The following HERC2 variants were observed in gnomAD, a reference collection of about 807,000 sequenced individuals.
HERC2 encodes the protein HECT and RLD domain containing E3 ubiquitin protein ligase 2, also known as E3 ubiquitin-protein ligase HERC2.
Under a neutral mutation model 537.7 loss-of-function variants are expected in HERC2, and 102 were observed. The observed-to-expected ratio is 0.19, with a 90% CI of 0.16 to 0.22. HERC2 has a LOEUF of 0.22. Ranked by LOEUF, HERC2 falls within the 10% of genes least tolerant of loss-of-function variation. The pLI is 1.00. For synonymous variants in HERC2, 2,224 were observed against 2,466.2 expected, an observed-to-expected ratio of 0.90 and a Z score of 2.91; for missense variants, 4,236 against 6,198.2, an observed-to-expected ratio of 0.68 and a Z score of 10.63.
At chr15:28,145,443 A>T (rs9989342) in intron 71 of HERC2, among the ~76,000 whole-genome samples, 1 of 152,184 alleles carries the variant, frequency 6.6e-6, no homozygotes, top group African/African-American at 2.4e-5. Context: ...CACTGGATGC[A>T]GAAAAACTCA....
intron 2 of HERC2, among the ~76,000 whole-genome samples, chr15:28,311,599 T>C (rs1447493767): frequency 3.0e-4 from 45 of 152,050 alleles, no homozygotes; most frequent in African/African-American, 1.0e-3. Flanking sequence ...CTACTGAACA[T>C]AAACATGGAG....
intron 4 of HERC2, among the ~76,000 whole-genome samples, chr15:28,286,335 AATAT>A (rs943328953): frequency 6.6e-6 from 1 of 152,134 alleles, no homozygotes; most frequent in Non-Finnish European, 1.5e-5. Flanking sequence ...AGTACAGAAC[AATAT>A]ATATACAGAG....
chr15:28,179,112 A>T (rs771053370), intron 58 of HERC2, 30 bp downstream of exon 58: 1 of 1,600,730 alleles, frequency 6.2e-7, no homozygotes, highest in South Asian at 1.1e-5. Context: ...AGCATAATTT[A>T]AAAATTTTTT....
At chr15:28,205,373 G>A (rs28499292) in intron 45 of HERC2, among the ~76,000 whole-genome samples, 12,230 of 114,034 alleles carry the variant, frequency 0.11, 257 homozygotes, top group African/African-American at 0.33. Flanking sequence ...CCTTCACCTT[G>A]GAGGTTCCCA....
In HERC2 at chr15:28,262,910, G is replaced by A; in HGVS notation, c.2122+8C>T. On this transcript the variant is annotated splice_region_variant and intron_variant, in intron 15 of 92. Coordinates refer to ENST00000261609, the MANE Select transcript of HERC2 (RefSeq NM_004667.6). ...TGAAGGGTTTTAAAAGTTTACATTT[G>A]CACTCACCTTGCAAGCCTTCTAAGA... 1 of 1,612,322 alleles carries A rather than the reference G, an allele frequency of 6.2e-7. No individual in the cohort carries two copies. Among genetic ancestry groups the A allele is most frequent in the Non-Finnish European group, 8.5e-7 (1 of 1,178,748 alleles).
At chr15:28,293,055 G>A (rs367671774) in intron 3 of HERC2, 33 bp from the exon 4 acceptor site, 41 of 1,591,398 alleles carry the variant, frequency 2.6e-5, no homozygotes, top group African/African-American at 1.5e-4. Context: ...ATCTGTCACC[G>A]CTTTTCAGAA....
rs367666269 is a variant in HERC2 at position 28,168,537 on chromosome 15, C to A, written c.10283G>T (p.Cys3428Phe). The A allele has an allele frequency of 2.5e-6, 4 of 1,614,092 alleles. No individual in the cohort carries two copies. Among genetic ancestry groups the A allele is most frequent in the African/African-American group, 1.3e-5 (1 of 74,940 alleles). ...MPAAMIAPVECPSFSSAAPSD... is the reference protein window; with the variant it reads ...MPAAMIAPVEFPSFSSAAPSD... ...AGGGGCCGCCGAGGAGAACGAGGGG[C>A]ACTCCACCGGGGCGATCATGGCGGC... The change falls in exon 67 of 93, where the codon TGC (cysteine) becomes TTC (phenylalanine). Residue 3428 changes from cysteine (C) to phenylalanine (F), a missense_variant. By Grantham distance (205) the Cys-to-Phe change is radical. This residue lies in a region of HERC2 where 356 missense variants were observed against 450.9 expected (regional missense o/e 0.79). Coordinates refer to ENST00000261609, the MANE Select transcript of HERC2 (RefSeq NM_004667.6).
At chr15:28,119,522 C>T (rs752865499) in intron 86 of HERC2, among the ~76,000 whole-genome samples, 2 of 148,612 alleles carry the variant, frequency 1.3e-5, no homozygotes, top group African/African-American at 2.5e-5. Flanking sequence ...GGTATGATCT[C>T]GGCTCACTAC....
Position 28,176,806 on chromosome 15 carries a change from G to C in HERC2, c.9433-38C>G, listed in dbSNP as rs779077411. ...AAATTTAAAAACAGAATCACGCACA[G>C]GCACGGAGAAAGCAATGGATTTTCC... On this transcript the variant is annotated intron_variant, in intron 61 of 92. Transcript: ENST00000261609. The surrounding 1 kb of genome is among the most constrained non-coding windows in gnomAD (Gnocchi z 5.0). 1.2e-6 allele frequency: 2 copies of C among 1,600,302 alleles called. No individual in the cohort carries two copies. The highest frequency in any genetic ancestry group is 2.2e-5 in the South Asian group (2 of 90,760).
intron 7 of HERC2, among the ~76,000 whole-genome samples, chr15:28,273,984 A>C (rs1016551131): frequency 1.2e-4 from 18 of 152,302 alleles, no homozygotes; most frequent in African/African-American, 4.1e-4. Flanking sequence ...GCAGCTCCTA[A>C]TCATCACAGA....
chr15:28,141,656 T>C, intron 77 of HERC2, 26 bp from the exon 78 acceptor site: 1 of 1,613,684 alleles, frequency 6.2e-7, no homozygotes, highest in Non-Finnish European at 8.5e-7. Context: ...AGTGAGCATT[T>C]GCCATGGGCA....
intron 6 of HERC2, among the ~76,000 whole-genome samples, chr15:28,274,674 T>C (rs1482332880): frequency 6.6e-6 from 1 of 152,202 alleles, no homozygotes; most frequent in Non-Finnish European, 1.5e-5. Context: ...AGGTGTTCCA[T>C]GGTAGTGGTT....
intron 85 of HERC2, among the ~76,000 whole-genome samples, chr15:28,121,756 C>A (rs867265335): frequency 1.3e-5 from 2 of 152,242 alleles, no homozygotes; most frequent in South Asian, 4.1e-4. Flanking sequence ...TGGCAAGCAC[C>A]TGCTCTGACT....
At chr15:28,115,674 A>G (rs1270104648) in intron 88 of HERC2, 133 bp from the exon 89 acceptor site, 5 of 652,522 alleles carry the variant, frequency 7.7e-6, no homozygotes, top group African/African-American at 7.2e-5. Flanking sequence ...CACCCACATC[A>G]TAGGTCTAGG....
In HERC2 at chr15:28,177,373, G is replaced by C. The variant is rs1566974507; in HGVS notation, c.9254+46C>G. 1 of 1,534,870 alleles carries C rather than the reference G, an allele frequency of 6.5e-7. No homozygotes were observed. Among genetic ancestry groups the C allele is most frequent in the South Asian group, 1.1e-5 (1 of 89,292 alleles). On this transcript the variant is annotated intron_variant, in intron 60 of 92. Coordinates refer to ENST00000261609, the MANE Select transcript of HERC2 (RefSeq NM_004667.6). This position sits in a 1 kb window ranked among gnomAD's most constrained non-coding sequence, Gnocchi z 5.0. ...AAATAATTCTCAAGAGTATCAGTCA[G>C]AAACAGTTTCTTATTAGCAAATGAG...
At chr15:28,136,578 A>C (rs1308894497) in intron 78 of HERC2, among the ~76,000 whole-genome samples, 1 of 152,252 alleles carries the variant, frequency 6.6e-6, no homozygotes, top group African/African-American at 2.4e-5. Context: ...CAGCACTGAC[A>C]GGGAGACAGA....
chr15:28,141,659 C>G, intron 77 of HERC2, 29 bp from the exon 78 acceptor site: 3 of 1,613,594 alleles, frequency 1.9e-6, no homozygotes, highest in Non-Finnish European at 2.5e-6. Context: ...GAGCATTTGC[C>G]ATGGGCAAGA....
At chr15:28,248,416 A>C (rs1188661830) in intron 21 of HERC2, 136 bp downstream of exon 21, 1 of 601,242 alleles carries the variant, frequency 1.7e-6, no homozygotes, top group East Asian at 2.8e-5. Context: ...AAGTGGATGC[A>C]AAATGAAGCC....
In HERC2 at chr15:28,265,703, C is replaced by T. The variant is rs751250953; in HGVS notation, c.1785G>A (p.Met595Ile). Residue 595 changes from methionine (M) to isoleucine (I), a missense_variant, in exon 14 of 93, where the codon ATG becomes ATA. Transcript: ENST00000261609. This position sits in a 1 kb window ranked among gnomAD's most constrained non-coding sequence, Gnocchi z 4.0. Reference sequence around the variant, plus strand: ...TCAGTCCTTTAAGCCCGGCTACCAGCATCGGAATGGCCTCGTCCTCACTGG... The same window carrying T: ...TCAGTCCTTTAAGCCCGGCTACCAGTATCGGAATGGCCTCGTCCTCACTGG... The part of the protein sequence containing the change: ...HGSSEDEAIP[M>I]LVAGLKGLKV... 5 of 1,614,236 alleles carry T rather than the reference C, an allele frequency of 3.1e-6. No homozygotes were observed. The highest frequency in any genetic ancestry group is 4.2e-6 in the Non-Finnish European group (5 of 1,180,044).
Sources: allele counts gnomAD v4.1 joint callset (sites outside exome capture counted in the v4.1 genomes callset), GRCh38; gene constraint gnomAD v4.1.1; regional missense constraint gnomAD v4.1.1; non-coding constraint Gnocchi (gnomAD v3.1); transcripts MANE v1.5; gene names NCBI Gene and HGNC (gene_info 2026-07-23, HGNC 2026-07-21).